ZMYM4: variants seen among roughly 807,000 people sequenced by gnomAD.
ZMYM4 encodes zinc finger MYM-type protein 4.
ZMYM4 carries 31 observed loss-of-function variants against 183.2 expected under a neutral mutation model. The ratio of observed to expected loss-of-function variants is 0.17; its 90% CI spans 0.13 to 0.23. The LOEUF is 0.23. Ranked by LOEUF, ZMYM4 falls within the 10% of genes least tolerant of loss-of-function variation. The pLI is 1.00. For synonymous variants in ZMYM4, 592 were observed against 631.2 expected (o/e 0.94, Z 0.93); for missense variants, 1,273 against 1,840.3 (o/e 0.69, Z 5.64).
chr1:35,358,743 C>T lies in ZMYM4; in HGVS notation c.86-182C>T, dbSNP rs1028269543. The T allele has an allele frequency of 5.8e-6, 3 of 519,116 alleles. No individual in the cohort carries two copies. In the African/African-American group the frequency reaches 5.9e-5, roughly 10 times the overall value. The allele number at this position is 519,116 out of a possible 1,614,324, so 32.2% of individuals were successfully genotyped here. On this transcript the variant is annotated intron_variant, in intron 2 of 29. Transcript: ENST00000314607. ...TTTCTCAAGTTTTGGCTCCTTGTTT[C>T]CTTAACTGTCAGATAGGAATAGTTA...
At chr1:35,335,151 T>C (rs1642918668) in intron 2 of ZMYM4, among the ~76,000 whole-genome samples, 1 of 152,182 alleles carries the variant, frequency 6.6e-6, no homozygotes, top group Non-Finnish European at 1.5e-5. Context: ...ACCACAATTA[T>C]TGAATATTTG....
chr1:35,411,242 C>T lies in ZMYM4; in HGVS notation c.3949-2730C>T, dbSNP rs184456243. On this transcript the variant is annotated intron_variant, in intron 26 of 29. Coordinates refer to ENST00000314607, the MANE Select transcript of ZMYM4 (RefSeq NM_005095.3). ...GATCTTGGCTCACTGCAAGCTCCGC[C>T]TCCCGGGTTCACGCCATTCTCCTGC... Among the ~76,000 whole-genome samples the T allele has an allele frequency of 2.9e-3, 435 of 150,118 alleles. 2 individuals are homozygous for T. Among genetic ancestry groups the T allele is most frequent in the African/African-American group, 0.01 (416 of 40,782 alleles).
At chr1:35,367,042 T>C (rs554383341) in intron 5 of ZMYM4, among the ~76,000 whole-genome samples, 41 of 144,586 alleles carry the variant, frequency 2.8e-4, no homozygotes, top group African/African-American at 9.9e-4. Context: ...AAAAAAAAAA[T>C]TGAGATTTAG....
chr1:35,295,988 G>A (rs1395264514), intron 1 of ZMYM4: 2 of 152,128 alleles, frequency 1.3e-5, no homozygotes, highest in Non-Finnish European at 2.9e-5. Flanking sequence ...TCTGATTACC[G>A]GTATGTCCCT....
rs973429073 is a variant in ZMYM4, at chr1:35,303,017, A to G, written c.40-22343A>G. 3.3e-5 allele frequency among the ~76,000 whole-genome samples: 5 copies of G among 151,500 alleles called. 1 individual carries two copies. Among genetic ancestry groups the G allele is most frequent in the South Asian group, 4.2e-4 (2 of 4,792 alleles). On this transcript the variant is annotated intron_variant, in intron 1 of 29. Transcript: ENST00000314607. ...TATCCAGGGCATAGTGACCACGCCT[A>G]TATTCCTAGCTCCACCAGAGGTTGA...
chr1:35,390,162 C>A, intron 15 of ZMYM4, 64 bp downstream of exon 15: 1 of 1,530,214 alleles, frequency 6.5e-7, no homozygotes. Flanking sequence ...TGTTCTTTTA[C>A]AGATCAGGAA....
At chr1:35,388,268 G>A (rs1048417364) in intron 13 of ZMYM4, among the ~76,000 whole-genome samples, 3 of 152,056 alleles carry the variant, frequency 2.0e-5, no homozygotes, top group East Asian at 3.9e-4. Context: ...GCCATGGAGC[G>A]ATCTTGGCTC....
chr1:35,331,331 A>G (rs1642737381), intron 2 of ZMYM4, among the ~76,000 whole-genome samples: 1 of 152,180 alleles, frequency 6.6e-6, no homozygotes, highest in African/African-American at 2.4e-5. Flanking sequence ...CCTTAAATAA[A>G]GGTATAGGTT....
chr1:35,304,847 T>TATG (rs1453569492), intron 1 of ZMYM4, among the ~76,000 whole-genome samples: 10 of 150,904 alleles, frequency 6.6e-5, no homozygotes, highest in Non-Finnish European at 1.5e-4. Context: ...CAAGTAAACT[T>TATG]TATTTTTTAT....
intron 1 of ZMYM4, among the ~76,000 whole-genome samples, chr1:35,299,811 A>G (rs1334121896): frequency 7.0e-6 from 1 of 142,472 alleles, no homozygotes; most frequent in African/African-American, 2.7e-5. Context: ...TTTTTTTTTT[A>G]TGAGACAGAG....
intron 1 of ZMYM4, among the ~76,000 whole-genome samples, chr1:35,290,390 G>T (rs922777066): frequency 6.6e-6 from 1 of 152,062 alleles, no homozygotes; most frequent in African/African-American, 2.4e-5. Flanking sequence ...TTTTTACATG[G>T]TTAACATCAC....
At chr1:35,368,045 G>C (rs1232829515) in intron 5 of ZMYM4, among the ~76,000 whole-genome samples, 1 of 151,368 alleles carries the variant, frequency 6.6e-6, no homozygotes, top group Non-Finnish European at 1.5e-5. Flanking sequence ...ATTATCAGTG[G>C]TGGGCCAAAT....
At chr1:35,346,650 C>CAAAAAAAAAAAAAA (rs746472685) in intron 2 of ZMYM4, among the ~76,000 whole-genome samples, 97 of 54,028 alleles carry the variant, frequency 1.8e-3, no homozygotes, top group Non-Finnish European at 2.4e-3. Context: ...GACTCCATCT[C>CAAAAAAAAAAAAAA]AAAAAAAAAA....
In ZMYM4 at chr1:35,396,563, A is replaced by G. The variant is rs1468006233; in HGVS notation, c.2923A>G (p.Ser975Gly). ...NKECQTEDTP[S>G]QPQIIVVPVP... ...GTTGTTACTGTTAGAAGACACTCCA[A>G]GTCAGCCCCAGATTATTGTGGTGCC... Residue 975 changes from serine to glycine, a missense_variant, in exon 19 of 30, where the codon AGT (serine) becomes GGT (glycine). Physicochemically the swap from Ser to Gly is moderately conservative, Grantham distance 56. Around this residue, in one of 6 missense-constraint regions of ZMYM4, gnomAD observed 290 missense variants for 353.3 expected, o/e 0.82. Transcript: ENST00000314607. 1 of 1,613,812 alleles carries G rather than the reference A, an allele frequency of 6.2e-7. No individual in the cohort carries two copies. Among genetic ancestry groups the G allele is most frequent in the East Asian group, 2.2e-5 (1 of 44,860 alleles).
chr1:35,333,718 AC>A (rs751611887), intron 2 of ZMYM4, among the ~76,000 whole-genome samples: 15 of 152,148 alleles, frequency 9.9e-5, no homozygotes, highest in Non-Finnish European at 1.6e-4. Flanking sequence ...ACATAAACAT[AC>A]ACAAATATAT....
chr1:35,418,433 C>T lies in ZMYM4; in HGVS notation c.4310-10C>T. On this transcript the variant is annotated splice_polypyrimidine_tract_variant and intron_variant, in intron 28 of 29. Transcript: ENST00000314607. ...AATATAATCCTTTGATTATTATTTC[C>T]TGTCTCAAGATAAACTGACTGTTGG... 6.2e-7 allele frequency: 1 copy of T among 1,612,162 alleles called. No individual in the cohort carries two copies. Among genetic ancestry groups the T allele is most frequent in the Non-Finnish European group, 8.5e-7 (1 of 1,179,368 alleles).
chr1:35,304,378 T>C (rs192987207), intron 1 of ZMYM4, among the ~76,000 whole-genome samples: 362 of 152,304 alleles, frequency 2.4e-3, no homozygotes, highest in Non-Finnish European at 3.9e-3. Context: ...TGTAATTATC[T>C]TGTTTTATAG....
intron 19 of ZMYM4, 101 bp from the exon 20 acceptor site, chr1:35,397,276 A>T: frequency 7.7e-7 from 1 of 1,296,448 alleles, no homozygotes. Flanking sequence ...ATATACCTTA[A>T]ATTTGTTTAC....
intron 1 of ZMYM4, among the ~76,000 whole-genome samples, chr1:35,290,301 A>G (rs1030743021): frequency 1.3e-5 from 2 of 152,200 alleles, no homozygotes; most frequent in Admixed American, 6.5e-5. Flanking sequence ...TTTAAAAATC[A>G]TATTTTATTC....
Sources: gnomAD v4.1 joint callset for allele counts (sites outside exome capture counted in the v4.1 genomes callset) on GRCh38, gnomAD v4.1.1 for gene constraint, gnomAD v4.1.1 regional missense constraint, MANE v1.5 for transcripts, NCBI Gene and HGNC (gene_info 2026-07-23, HGNC 2026-07-21) for gene names.